RIMKLB: variants seen among roughly 807,000 people sequenced by gnomAD.
The protein encoded by RIMKLB is ribosomal modification protein rimK like family member B.
Under a neutral mutation model 32.0 loss-of-function variants are expected in RIMKLB, and 7 were observed. The ratio of observed to expected loss-of-function variants is 0.22; its 90% CI spans 0.12 to 0.41. The LOEUF is 0.41. Ranked by LOEUF, RIMKLB falls within the 10% of genes least tolerant of loss-of-function variation. RIMKLB has a pLI of 1.00. For missense variants in RIMKLB, 289 were observed against 498.7 expected, an observed-to-expected ratio of 0.58 and a Z score of 4.00; for synonymous variants, 172 against 185.1, an observed-to-expected ratio of 0.93 and a Z score of 0.57.
intron 1 of RIMKLB, among the ~76,000 whole-genome samples, chr12:8,686,781 C>A (rs73053851): frequency 3.9e-5 from 6 of 152,066 alleles, no homozygotes; most frequent in Non-Finnish European, 5.9e-5. Flanking sequence ...CACACCCGGC[C>A]TCCACTGACT....
At chr12:8,771,120 A>G (rs1370655146) in intron 5 of RIMKLB, among the ~76,000 whole-genome samples, 1 of 152,130 alleles carries the variant, frequency 6.6e-6, no homozygotes, top group Non-Finnish European at 1.5e-5. Flanking sequence ...GCCCTTTTTG[A>G]TATCCAATTG....
chr12:8,741,333 G>A lies in RIMKLB; in HGVS notation c.176-8529G>A, dbSNP rs756733819. 2.1e-4 allele frequency among the ~76,000 whole-genome samples: 31 copies of A among 151,204 alleles called. No individual in the cohort carries two copies. In the South Asian group the frequency reaches 5.6e-3, roughly 27 times the overall value. On this transcript the variant is annotated intron_variant, in intron 2 of 5. Coordinates refer to ENST00000535829, the MANE Select transcript of RIMKLB (RefSeq NM_001297776.2). ...GCAGAGGTTGCAGTGAGCCGAGATC[G>A]CACCACTGCACTCCAGCCTGGGCGA...
intron 3 of RIMKLB, among the ~76,000 whole-genome samples, chr12:8,750,872 G>C (rs1212977743): frequency 6.7e-6 from 1 of 149,732 alleles, no homozygotes; most frequent in Non-Finnish European, 1.5e-5. Flanking sequence ...GTTTGGAAAA[G>C]ATCAAACTTA....
intron 2 of RIMKLB, among the ~76,000 whole-genome samples, chr12:8,739,610 A>G (rs1194883081): frequency 6.6e-6 from 1 of 152,208 alleles, no homozygotes; most frequent in Non-Finnish European, 1.5e-5. Context: ...AGCTGGGGCT[A>G]TAGGCATATG....
At chr12:8,678,810 T>C (rs1173392177), upstream of RIMKLB, 2 of 152,206 alleles carry the variant, frequency 1.3e-5, no homozygotes, top group African/African-American at 4.8e-5. Flanking sequence ...TTCCAGCTGG[T>C]GCAGGGGATG....
chr12:8,781,094 A>C (rs1376379422), downstream of RIMKLB, among the ~76,000 whole-genome samples: 4 of 152,232 alleles, frequency 2.6e-5, no homozygotes, highest in African/African-American at 9.6e-5. Flanking sequence ...TAATCCTAAC[A>C]CTTTGGGAGA....
chr12:8,674,991 G>C, the RIMKLB span, among the ~76,000 whole-genome samples: 1 of 150,690 alleles, frequency 6.6e-6, no homozygotes, highest in Non-Finnish European at 1.5e-5. Context: ...AGCCTCCCGA[G>C]TAGCCGGGAT....
At chr12:8,713,695 C>A (rs1005404472) in intron 1 of RIMKLB, 116 bp from the exon 2 acceptor site, 1 of 652,802 alleles carries the variant, frequency 1.5e-6, no homozygotes, top group African/African-American at 1.8e-5. Context: ...TATCTCTACA[C>A]GTGTTTTTTC....
At chr12:8,760,267 A>G (rs1054933727) in intron 5 of RIMKLB, among the ~76,000 whole-genome samples, 1 of 152,242 alleles carries the variant, frequency 6.6e-6, no homozygotes, top group African/African-American at 2.4e-5. Flanking sequence ...TACAAAGGAC[A>G]TGAACTCATC....
chr12:8,692,715 A>G (rs1173996987), upstream of RIMKLB, among the ~76,000 whole-genome samples: 2 of 152,158 alleles, frequency 1.3e-5, no homozygotes, highest in East Asian at 3.9e-4. Context: ...ATGTGCTGAG[A>G]TGGAGCAGGG....
upstream of RIMKLB, chr12:8,697,229 C>A (rs759765579): frequency 2.6e-5 from 4 of 152,204 alleles, no homozygotes; most frequent in Admixed American, 6.5e-5. Flanking sequence ...CCGCCTGTAT[C>A]TCCAAACCCG....
At chr12:8,692,975 A>G (rs1189379865), upstream of RIMKLB, among the ~76,000 whole-genome samples, 1 of 152,228 alleles carries the variant, frequency 6.6e-6, no homozygotes, top group Non-Finnish European at 1.5e-5. Flanking sequence ...AAAGAACACT[A>G]TTTTAGGTAC....
chr12:8,722,730 A>G (rs996802266), intron 2 of RIMKLB, among the ~76,000 whole-genome samples: 2 of 152,214 alleles, frequency 1.3e-5, no homozygotes, highest in Admixed American at 1.3e-4. Context: ...ACCTTCATCA[A>G]TTATCTTAGC....
chr12:8,761,402 C>A (rs2138003187), intron 5 of RIMKLB, among the ~76,000 whole-genome samples: 1 of 148,744 alleles, frequency 6.7e-6, no homozygotes, highest in Middle Eastern at 3.5e-3. Flanking sequence ...TTATTTAGAT[C>A]TTTTTTTGTT....
Position 8,777,178 on chromosome 12 carries a change from G to A in RIMKLB, c.*3394G>A. Reference sequence around the variant, plus strand: ...TTTTAAAAAATGTAATATATTGCAGGATTTATAACCAGGTTCACTGACTGC... The same window carrying A: ...TTTTAAAAAATGTAATATATTGCAGAATTTATAACCAGGTTCACTGACTGC... On this transcript the variant is annotated 3_prime_UTR_variant, in exon 6 of 6. Coordinates refer to ENST00000535829, the MANE Select transcript of RIMKLB (RefSeq NM_001297776.2). 1.1e-6 allele frequency: 1 copy of A among 948,592 alleles called. No homozygotes were observed. The allele number at this position is 948,592 out of a possible 1,614,324, so 58.8% of individuals were successfully genotyped here.
chr12:8,675,852 A>T, the RIMKLB span, among the ~76,000 whole-genome samples: 1 of 151,304 alleles, frequency 6.6e-6, no homozygotes, highest in East Asian at 1.9e-4. Context: ...CATCTGGTCT[A>T]AGCAAGGCAG....
chr12:8,700,734 A>C (rs1014029553), intron 1 of RIMKLB: 2 of 152,164 alleles, frequency 1.3e-5, no homozygotes, highest in African/African-American at 4.8e-5. Context: ...TGCAAGTGGG[A>C]TTAAGTCACA....
At chr12:8,723,998 G>C (rs1945739568) in intron 2 of RIMKLB, among the ~76,000 whole-genome samples, 1 of 151,528 alleles carries the variant, frequency 6.6e-6, no homozygotes, top group African/African-American at 2.4e-5. Context: ...GTTTTGTTTT[G>C]TTTTGTTTTG....
chr12:8,776,242 A>G lies in RIMKLB; in HGVS notation c.*2458A>G, dbSNP rs1950718989. The G allele has an allele frequency of 1.0e-6, 1 of 977,572 alleles. No homozygotes were observed. Among genetic ancestry groups the G allele is most frequent in the Non-Finnish European group, 1.2e-6 (1 of 822,898 alleles). The allele number at this position is 977,572 out of a possible 1,614,324, so 60.6% of individuals were successfully genotyped here. ...TAGTTCATTAGCTTTATTCACTATT[A>G]TGCATTCACATGATATTAAAACGTA... On this transcript the variant is annotated 3_prime_UTR_variant, in exon 6 of 6. Coordinates refer to ENST00000535829, the MANE Select transcript of RIMKLB (RefSeq NM_001297776.2).
Sources: allele counts gnomAD v4.1 joint callset (sites outside exome capture counted in the v4.1 genomes callset), GRCh38; gene constraint gnomAD v4.1.1; transcripts MANE v1.5; gene names NCBI Gene and HGNC (gene_info 2026-07-23, HGNC 2026-07-21).